Variants in ADGRL3 observed in about 807,000 individuals in gnomAD.
ADGRL3 encodes calcium-independent alpha-latrotoxin receptor 3.
Under a neutral mutation model 153.5 loss-of-function variants are expected in ADGRL3, and 62 were observed. The ratio of observed to expected loss-of-function variants is 0.40; its 90% CI spans 0.33 to 0.50. ADGRL3 has a LOEUF of 0.50. Ranked by LOEUF, ADGRL3 falls within the 20% of genes least tolerant of loss-of-function variation. The probability of loss-of-function intolerance (pLI) is 0.47; values close to 1 mark genes in which losing one functional copy is unlikely to be tolerated. For synonymous variants in ADGRL3, 710 were observed against 672.5 expected (o/e 1.06, Z -0.86); for missense variants, 1,641 against 1,859.4 (o/e 0.88, Z 2.16).
chr4:61,293,394 C>T (rs989569039), intron 1 of ADGRL3, among the ~76,000 whole-genome samples: 1 of 151,998 alleles, frequency 6.6e-6, no homozygotes, highest in Non-Finnish European at 1.5e-5. Context: ...GCCTGTAAAC[C>T]CTATGATTTA....
At chr4:61,716,803 C>A (rs1039198741) in intron 6 of ADGRL3, among the ~76,000 whole-genome samples, 1 of 152,058 alleles carries the variant, frequency 6.6e-6, no homozygotes, top group South Asian at 2.1e-4. Flanking sequence ...TGAAACTATG[C>A]GTGTTTTGAA....
intron 9 of ADGRL3, among the ~76,000 whole-genome samples, chr4:61,857,217 C>G (rs1310074880): frequency 6.6e-6 from 1 of 151,834 alleles, no homozygotes; most frequent in Non-Finnish European, 1.5e-5. Flanking sequence ...CAGGCATGAG[C>G]CACTGTGTCT....
At chr4:61,906,987 G>C (rs1413491932) in intron 11 of ADGRL3, among the ~76,000 whole-genome samples, 1 of 152,024 alleles carries the variant, frequency 6.6e-6, no homozygotes, top group African/African-American at 2.4e-5. Context: ...CCCATGTTCT[G>C]TGTTGGACTG....
intron 17 of ADGRL3, among the ~76,000 whole-genome samples, chr4:61,969,889 C>T (rs17239219): frequency 0.11 from 17,290 of 152,098 alleles, 1,044 homozygotes; most frequent in Non-Finnish European, 0.13. Flanking sequence ...CCATTTTCTA[C>T]GTGGTCCTGT....
intron 9 of ADGRL3, among the ~76,000 whole-genome samples, chr4:61,856,600 CTCTCTTTTTTTTTTTTTTT>C (rs2098269970): frequency 4.3e-5 from 1 of 23,498 alleles, no homozygotes; most frequent in African/African-American, 9.9e-5. Context: ...CTCTCTCTCT[CTCTCTTTTTTTTTTTTTTT>C]TTTTTTTTTT....
chr4:61,324,766 A>G (rs755325427), intron 1 of ADGRL3, among the ~76,000 whole-genome samples: 1 of 152,190 alleles, frequency 6.6e-6, no homozygotes, highest in Non-Finnish European at 1.5e-5. Flanking sequence ...AAGATTTTTA[A>G]CACCAATAAC....
At chr4:61,622,547 A>G (rs2149857332) in intron 5 of ADGRL3, among the ~76,000 whole-genome samples, 2 of 151,794 alleles carry the variant, frequency 1.3e-5, no homozygotes, top group East Asian at 4.0e-4. Context: ...CATAATGATA[A>G]GAAGAAGGAG....
At chr4:61,551,761 T>G (rs1426065012) in intron 4 of ADGRL3, among the ~76,000 whole-genome samples, 1 of 152,174 alleles carries the variant, frequency 6.6e-6, no homozygotes, top group Non-Finnish European at 1.5e-5. Flanking sequence ...TGGACAATAC[T>G]GAGGAGTAAA....
chr4:61,392,684 CAAA>C (rs397993633), intron 2 of ADGRL3, among the ~76,000 whole-genome samples: 7 of 13,378 alleles, frequency 5.2e-4, no homozygotes, highest in Non-Finnish European at 8.7e-4. Flanking sequence ...GACTCCATCT[CAAA>C]AAAAAAAAAA....
intron 8 of ADGRL3, among the ~76,000 whole-genome samples, chr4:61,770,074 T>C (rs2097064833): frequency 6.6e-6 from 1 of 152,146 alleles, no homozygotes; most frequent in Non-Finnish European, 1.5e-5. Flanking sequence ...CAAACAGAGA[T>C]CTTAGAGTTT....
At chr4:61,749,858 A>G (rs1388064578) in intron 8 of ADGRL3, among the ~76,000 whole-genome samples, 2 of 151,152 alleles carry the variant, frequency 1.3e-5, no homozygotes, top group African/African-American at 4.9e-5. Flanking sequence ...TTAAAGTATA[A>G]TAATAATAAA....
intron 5 of ADGRL3, among the ~76,000 whole-genome samples, chr4:61,620,151 C>T (rs1216894664): frequency 6.6e-6 from 1 of 151,842 alleles, no homozygotes; most frequent in African/African-American, 2.4e-5. Flanking sequence ...GAATACTTCC[C>T]AGTAAATATA....
chr4:61,712,377 A>G (rs2096011815), intron 6 of ADGRL3, among the ~76,000 whole-genome samples: 1 of 152,086 alleles, frequency 6.6e-6, no homozygotes, highest in African/African-American at 2.4e-5. Flanking sequence ...CCTAGGTGAG[A>G]GAACAAGACC....
chr4:61,935,850 G>T, intron 14 of ADGRL3, 73 bp from the exon 15 acceptor site: 1 of 1,344,696 alleles, frequency 7.4e-7, no homozygotes, highest in Non-Finnish European at 1.0e-6. Context: ...CAGAAATACT[G>T]CAATGGTTTA....
rs554633819 is a variant in ADGRL3 at position 61,411,012 on chromosome 4, A to G, written c.-174+27823A>G. 5.9e-5 allele frequency among the ~76,000 whole-genome samples: 9 copies of G among 152,328 alleles called. No homozygotes were observed. In the South Asian group the frequency reaches 1.7e-3, roughly 28 times the overall value. ...GGCTTTACTTACAAAACACAAATTC[A>G]GAGATAAAATTGGTAAGAATTTCAG... is the stretch of plus-strand genomic sequence containing the variant. On this transcript the variant is annotated intron_variant, in intron 2 of 26. Coordinates refer to ENST00000683033, the MANE Select transcript of ADGRL3 (RefSeq NM_001387552.1).
intron 9 of ADGRL3, among the ~76,000 whole-genome samples, chr4:61,880,309 T>C (rs1243872795): frequency 6.6e-6 from 1 of 152,208 alleles, no homozygotes; most frequent in Non-Finnish European, 1.5e-5. Context: ...GTGGTATCTA[T>C]ACAAATACTT....
At chr4:61,325,450 CA>C (rs1485819922) in intron 1 of ADGRL3, among the ~76,000 whole-genome samples, 1 of 152,184 alleles carries the variant, frequency 6.6e-6, no homozygotes, top group Non-Finnish European at 1.5e-5. Context: ...GTAGTACTTT[CA>C]AAATATCAGC....
chr4:61,975,038 A>C (rs753455894), intron 17 of ADGRL3, among the ~76,000 whole-genome samples: 1 of 152,290 alleles, frequency 6.6e-6, no homozygotes, highest in African/African-American at 2.4e-5. Flanking sequence ...TATATTACAT[A>C]TTTCTCCAGG....
At chr4:61,399,296 G>A (rs2096903164) in intron 2 of ADGRL3, among the ~76,000 whole-genome samples, 1 of 151,450 alleles carries the variant, frequency 6.6e-6, no homozygotes, top group Admixed American at 6.6e-5. Context: ...TTTTACAGTA[G>A]GAATTAATAT....
Sources: allele counts gnomAD v4.1 joint callset (sites outside exome capture counted in the v4.1 genomes callset), GRCh38; gene constraint gnomAD v4.1.1; transcripts MANE v1.5; gene names NCBI Gene and HGNC (gene_info 2026-07-23, HGNC 2026-07-21).